Variants in TDRD3 observed in about 807,000 individuals in gnomAD.
TDRD3 encodes the protein tudor domain-containing protein 3.
TDRD3 carries 45 observed loss-of-function variants against 86.7 expected under a neutral mutation model. That is an observed-to-expected ratio of 0.52 (90% CI 0.41 to 0.67). The LOEUF (loss-of-function observed/expected upper bound fraction) is 0.67, where lower values mean the gene tolerates loss of function less well. Ranked by LOEUF, TDRD3 falls within the 30% of genes least tolerant of loss-of-function variation. The probability of loss-of-function intolerance (pLI) is 0.00; values close to 1 mark genes in which losing one functional copy is unlikely to be tolerated. For missense variants in TDRD3, 814 were observed against 889.0 expected (o/e 0.92, Z 1.07); for synonymous variants, 298 against 301.7 (o/e 0.99, Z 0.13).
chr13:60,414,749 A>C (rs984928154), intron 1 of TDRD3, among the ~76,000 whole-genome samples: 1 of 152,108 alleles, frequency 6.6e-6, no homozygotes, highest in African/African-American at 2.4e-5. Flanking sequence ...AGGTGTTTTG[A>C]AATGGTCTAC....
At chr13:60,537,981 A>G (rs1957734175) in intron 12 of TDRD3, 1 of 152,062 alleles carries the variant, frequency 6.6e-6, no homozygotes. Context: ...TTTTAAAAGT[A>G]TAAGCATAAA....
chr13:60,503,855 A>G (rs1016378626), intron 8 of TDRD3, among the ~76,000 whole-genome samples: 4 of 152,226 alleles, frequency 2.6e-5, no homozygotes, highest in Non-Finnish European at 1.5e-5. Context: ...TCAGTTTATT[A>G]ATGTTAACCC....
At chr13:60,447,467 A>G (rs1955430556) in intron 3 of TDRD3, among the ~76,000 whole-genome samples, 1 of 152,178 alleles carries the variant, frequency 6.6e-6, no homozygotes, top group South Asian at 2.1e-4. Flanking sequence ...ATCCAGTACA[A>G]TGCATATGGC....
intron 1 of TDRD3, among the ~76,000 whole-genome samples, chr13:60,438,947 G>A (rs563655865): frequency 6.6e-6 from 1 of 152,198 alleles, no homozygotes; most frequent in South Asian, 2.1e-4. Context: ...TTTTAGAATT[G>A]TTGAGTTTAT....
chr13:60,420,251 A>G (rs1368844396), intron 1 of TDRD3, among the ~76,000 whole-genome samples: 1 of 152,158 alleles, frequency 6.6e-6, no homozygotes, highest in Non-Finnish European at 1.5e-5. Context: ...AGTTGATTAT[A>G]TGTTCTAGAT....
At chr13:60,571,574 T>A (rs1488429996) in intron 13 of TDRD3, among the ~76,000 whole-genome samples, 1 of 152,224 alleles carries the variant, frequency 6.6e-6, no homozygotes, top group Non-Finnish European at 1.5e-5. Flanking sequence ...GGTTTTCTTT[T>A]TATGTTTTGA....
At chr13:60,480,729 A>T (rs1956291384) in intron 5 of TDRD3, among the ~76,000 whole-genome samples, 1 of 152,048 alleles carries the variant, frequency 6.6e-6, no homozygotes, top group Admixed American at 6.6e-5. Context: ...TCACAGGGGA[A>T]TGCCATGGGT....
intron 1 of TDRD3, among the ~76,000 whole-genome samples, chr13:60,419,740 G>A (rs1346962736): frequency 5.9e-5 from 9 of 151,876 alleles, no homozygotes; most frequent in African/African-American, 9.7e-5. Context: ...CATGGCACAT[G>A]TATACCTATG....
At chr13:60,403,717 G>A (rs1594891134) in intron 1 of TDRD3, among the ~76,000 whole-genome samples, 1 of 152,182 alleles carries the variant, frequency 6.6e-6, no homozygotes. Flanking sequence ...GAGCCTATAT[G>A]TACCATAGCA....
intron 10 of TDRD3, among the ~76,000 whole-genome samples, chr13:60,514,510 G>A (rs1407309190): frequency 6.6e-6 from 1 of 152,274 alleles, no homozygotes; most frequent in Non-Finnish European, 1.5e-5. Flanking sequence ...TGTACTGTGT[G>A]GGGAGGGCAC....
intron 3 of TDRD3, among the ~76,000 whole-genome samples, chr13:60,459,276 T>C (rs1323256957): frequency 6.6e-6 from 1 of 152,216 alleles, no homozygotes. Context: ...AGCCTATTTT[T>C]AAAACAGCCT....
intron 13 of TDRD3, among the ~76,000 whole-genome samples, chr13:60,569,847 C>T (rs1189650652): frequency 6.6e-6 from 1 of 152,064 alleles, no homozygotes; most frequent in East Asian, 1.9e-4. Flanking sequence ...ATAAATGATC[C>T]TGGGAAAACT....
chr13:60,548,444 C>A (rs1049586043), intron 12 of TDRD3, among the ~76,000 whole-genome samples: 1 of 152,154 alleles, frequency 6.6e-6, no homozygotes, highest in East Asian at 1.9e-4. Context: ...GTCTGACTAT[C>A]TGTAAATAAT....
chr13:60,481,310 A>C (rs1276208907), intron 5 of TDRD3, among the ~76,000 whole-genome samples: 2 of 145,948 alleles, frequency 1.4e-5, no homozygotes, highest in African/African-American at 2.5e-5. Flanking sequence ...TGATTTGGCC[A>C]TTATTTCTTC....
At chr13:60,433,477 C>T (rs139598080) in intron 1 of TDRD3, among the ~76,000 whole-genome samples, 2 of 152,284 alleles carry the variant, frequency 1.3e-5, no homozygotes, top group East Asian at 1.9e-4. Flanking sequence ...TCTCCCAGTG[C>T]GTACAAAGTG....
At chr13:60,491,114 C>CAAA (rs35355225) in intron 7 of TDRD3, among the ~76,000 whole-genome samples, 22 of 75,590 alleles carry the variant, frequency 2.9e-4, no homozygotes, top group African/African-American at 1.1e-3. Context: ...AACTCCATCT[C>CAAA]AAAAAAAAAA....
chr13:60,526,433 A>T (rs1311044595), intron 10 of TDRD3, among the ~76,000 whole-genome samples: 1 of 152,100 alleles, frequency 6.6e-6, no homozygotes, highest in East Asian at 1.9e-4. Flanking sequence ...GAAAGTGCTC[A>T]TTTGTGTCCT....
chr13:60,423,829 T>C (rs1221854240), intron 1 of TDRD3, among the ~76,000 whole-genome samples: 2 of 152,136 alleles, frequency 1.3e-5, no homozygotes, highest in African/African-American at 4.8e-5. Flanking sequence ...ACTGCTTTTA[T>C]TAATAAAATG....
At chr13:60,523,852 C>T (rs560225396) in intron 10 of TDRD3, among the ~76,000 whole-genome samples, 15 of 152,256 alleles carry the variant, frequency 9.9e-5, no homozygotes, top group South Asian at 8.3e-4. Flanking sequence ...GCTGGGATTA[C>T]AGGCGTGAGC....
Sources: gnomAD v4.1 joint callset for allele counts (sites outside exome capture counted in the v4.1 genomes callset) on GRCh38, gnomAD v4.1.1 for gene constraint, MANE v1.5 for transcripts, NCBI Gene and HGNC (gene_info 2026-07-23, HGNC 2026-07-21) for gene names.